The following TYW1B variants were observed in gnomAD, a reference collection of about 807,000 sequenced individuals.
TYW1B encodes S-adenosyl-L-methionine-dependent tRNA 4-demethylwyosine synthase TYW1B.
Under a neutral mutation model 86.9 loss-of-function variants are expected in TYW1B, and 73 were observed. The observed-to-expected ratio is 0.84, with a 90% CI of 0.70 to 1.02. The LOEUF is 1.02. TYW1B is among the 50% of genes least tolerant of loss of function. The pLI is 0.00. For missense variants in TYW1B, 637 were observed against 827.4 expected (o/e 0.77, Z 2.82); for synonymous variants, 248 against 292.8 (o/e 0.85, Z 1.56).
intron 10 of TYW1B, among the ~76,000 whole-genome samples, chr7:72,711,473 CTTTTTTTT>C (rs59438928): frequency 3.5e-4 from 20 of 56,948 alleles, no homozygotes; most frequent in African/African-American, 8.7e-4. Context: ...CTCTTTAATT[CTTTTTTTT>C]TTTTTTTTTT....
intron 11 of TYW1B, among the ~76,000 whole-genome samples, chr7:72,670,548 G>C (rs1406480504): frequency 6.6e-6 from 1 of 152,170 alleles, no homozygotes; most frequent in Non-Finnish European, 1.5e-5. Context: ...TTTACAGTGA[G>C]GAAGTAAAGA....
intron 8 of TYW1B, among the ~76,000 whole-genome samples, chr7:72,732,272 G>A (rs1366894841): frequency 6.6e-6 from 1 of 152,068 alleles, no homozygotes; most frequent in African/African-American, 2.4e-5. Context: ...TAAACCATAG[G>A]ACAAACTGAC....
chr7:72,629,918 C>T (rs1282025653), intron 11 of TYW1B, among the ~76,000 whole-genome samples: 3 of 152,078 alleles, frequency 2.0e-5, no homozygotes. Flanking sequence ...TTGTAGCTCC[C>T]TTTTAGAACC....
chr7:72,816,174 C>T (rs1326736148), intron 2 of TYW1B, among the ~76,000 whole-genome samples: 1 of 152,058 alleles, frequency 6.6e-6, no homozygotes, highest in African/African-American at 2.4e-5. Context: ...GTCAGGAATT[C>T]GAGACCAGCC....
At position 72,629,088 on chromosome 7, in the gene TYW1B, A is replaced by C. The variant is rs1416736343; in HGVS notation, c.1507-91T>G. 4.5e-6 allele frequency: 6 copies of C among 1,327,536 alleles called. No individual in the cohort carries two copies. The African/African-American group carries it at 9.0e-5, about 20-fold the overall frequency. The allele number at this position is 1,327,536 out of a possible 1,614,324, so 82.2% of individuals were successfully genotyped here. ...TTCTCAAGCTTTTTCAACCCAGAGA[A>C]CCCAGGGCAGGCAAAACTCATCATG... On this transcript the variant is annotated intron_variant, in intron 11 of 13. Transcript: ENST00000620995.
chr7:72,754,627 G>A (rs1431815163), intron 7 of TYW1B, among the ~76,000 whole-genome samples: 15 of 151,638 alleles, frequency 9.9e-5, no homozygotes, highest in African/African-American at 3.6e-4. Flanking sequence ...TTGAAGAGAT[G>A]GGGTTTCATC....
At chr7:72,632,095 G>A (rs1345418364) in intron 11 of TYW1B, among the ~76,000 whole-genome samples, 2 of 150,628 alleles carry the variant, frequency 1.3e-5, no homozygotes, top group Admixed American at 6.7e-5. Flanking sequence ...CCAAGAATTC[G>A]AGACCAGCCT....
intron 11 of TYW1B, among the ~76,000 whole-genome samples, chr7:72,647,262 C>T (rs1179264152): frequency 6.6e-6 from 1 of 152,020 alleles, no homozygotes; most frequent in Non-Finnish European, 1.5e-5. Flanking sequence ...GAGTGTAATT[C>T]AGTACCAACG....
chr7:72,809,823 C>A (rs1788569162), intron 4 of TYW1B, among the ~76,000 whole-genome samples: 1 of 152,020 alleles, frequency 6.6e-6, no homozygotes, highest in Middle Eastern at 3.4e-3. Flanking sequence ...CATGGTGAAA[C>A]CCTGTCTCTA....
At chr7:72,784,406 T>C (rs1788094624) in intron 6 of TYW1B, among the ~76,000 whole-genome samples, 1 of 152,240 alleles carries the variant, frequency 6.6e-6, no homozygotes, top group Non-Finnish European at 1.5e-5. Context: ...ATCTGTTAAA[T>C]GGTAAATTGC....
At chr7:72,638,442 C>CA (rs1319104116) in intron 11 of TYW1B, among the ~76,000 whole-genome samples, 1 of 152,142 alleles carries the variant, frequency 6.6e-6, no homozygotes, top group Non-Finnish European at 1.5e-5. Context: ...CAATAGATGC[C>CA]AAAAAGCATA....
intron 11 of TYW1B, among the ~76,000 whole-genome samples, chr7:72,644,152 G>A (rs1211998729): frequency 1.3e-5 from 2 of 152,094 alleles, no homozygotes; most frequent in African/African-American, 2.4e-5. Flanking sequence ...CTCAATAGAC[G>A]CAAAAAAATG....
chr7:72,691,740 G>A (rs1814167210), intron 11 of TYW1B, among the ~76,000 whole-genome samples: 1 of 152,028 alleles, frequency 6.6e-6, no homozygotes, highest in Non-Finnish European at 1.5e-5. Context: ...AAACTAAAGA[G>A]GCCTTTTTGC....
chr7:72,740,805 A>G (rs1218508317), intron 8 of TYW1B, among the ~76,000 whole-genome samples: 18 of 146,010 alleles, frequency 1.2e-4, no homozygotes, highest in African/African-American at 4.6e-4. Flanking sequence ...ATCTCGGCTC[A>G]CTGCAAGCTC....
At chr7:72,628,830 G>A (rs201080148) in intron 12 of TYW1B, 57 bp downstream of exon 12, 1 of 1,460,526 alleles carries the variant, frequency 6.8e-7, no homozygotes. Flanking sequence ...GATGGCCAAC[G>A]AAGCACCACG....
chr7:72,743,576 G>A (rs1787341921), intron 8 of TYW1B, among the ~76,000 whole-genome samples: 1 of 152,112 alleles, frequency 6.6e-6, no homozygotes, highest in African/African-American at 2.4e-5. Context: ...GGGTGCAGTG[G>A]CTCACACCTG....
At position 72,717,638 on chromosome 7, in the gene TYW1B, G is replaced by C. The variant is rs555367168; in HGVS notation, c.1193-3840C>G. Among the ~76,000 whole-genome samples, 460 of 134,604 alleles carry C rather than the reference G, an allele frequency of 3.4e-3. 1 individual carries two copies. The highest frequency in any genetic ancestry group is 0.013 in the African/African-American group (449 of 34,952). 88.3% of individuals were successfully genotyped at this position (134,604 alleles called of 152,430 possible). A position where few individuals can be genotyped will look rare whatever the true frequency, so the allele number is the denominator to read the frequency against. On this transcript the variant is annotated intron_variant, in intron 9 of 13. Coordinates refer to ENST00000620995, the MANE Select transcript of TYW1B (RefSeq NM_001145440.3). The stretch of plus-strand genomic sequence containing the variant: ...TTAAGTTAAGGTATTGGTGTCAGCT[G>C]TGCTTGACACACACACACACACACA...
chr7:72,595,259 A>C (rs567522790), intron 13 of TYW1B, among the ~76,000 whole-genome samples: 78 of 152,342 alleles, frequency 5.1e-4, no homozygotes, highest in African/African-American at 1.9e-3. Flanking sequence ...CAACCAAAAA[A>C]CTGTTTAAAC....
At chr7:72,695,958 T>C (rs1473348092) in intron 10 of TYW1B, among the ~76,000 whole-genome samples, 45 of 149,260 alleles carry the variant, frequency 3.0e-4, no homozygotes, top group Non-Finnish European at 5.2e-4. Context: ...TCTTTTTTTT[T>C]TTTTTTTTGA....
Sources: allele counts gnomAD v4.1 joint callset (sites outside exome capture counted in the v4.1 genomes callset), GRCh38; gene constraint gnomAD v4.1.1; transcripts MANE v1.5; gene names NCBI Gene and HGNC (gene_info 2026-07-23, HGNC 2026-07-21).